The following CENPK variants were observed in gnomAD, a reference collection of about 807,000 sequenced individuals.
CENPK encodes SoxLZ/Sox6-binding protein Solt.
In CENPK, 46 loss-of-function variants were observed where a neutral mutation model predicts 40.9. That is an observed-to-expected ratio of 1.13 (90% CI 0.89 to 1.44). CENPK has a LOEUF of 1.44. Ranked by LOEUF, CENPK falls within the 40% of genes most tolerant of loss-of-function variation. The pLI is 0.00. For missense variants in CENPK, 288 were observed against 303.5 expected (o/e 0.95, Z 0.38); for synonymous variants, 107 against 104.4 (o/e 1.02, Z -0.15).
At chr5:65,541,189 T>C (rs1438415013) in intron 6 of CENPK, among the ~76,000 whole-genome samples, 1 of 152,126 alleles carries the variant, frequency 6.6e-6, no homozygotes, top group Non-Finnish European at 1.5e-5. Flanking sequence ...CTCAGTTCTG[T>C]GAGCTGCTCT....
At chr5:65,520,976 G>A (rs746395062) in intron 10 of CENPK, among the ~76,000 whole-genome samples, 1 of 152,104 alleles carries the variant, frequency 6.6e-6, no homozygotes, top group Non-Finnish European at 1.5e-5. Context: ...ATCAGAGAAA[G>A]TTGGAAAACT....
chr5:65,550,086 T>G (rs1432382416), intron 5 of CENPK, among the ~76,000 whole-genome samples: 1 of 146,014 alleles, frequency 6.8e-6, no homozygotes, highest in African/African-American at 2.5e-5. Context: ...GAGAATCACT[T>G]GAACCCAGGA....
At chr5:65,541,305 G>C (rs533254104) in intron 6 of CENPK, 87 of 436,076 alleles carry the variant, frequency 2.0e-4, no homozygotes, top group African/African-American at 1.6e-3. Flanking sequence ...ATCTGAAACC[G>C]GGGTCAGGCA....
intron 5 of CENPK, among the ~76,000 whole-genome samples, chr5:65,544,072 C>T (rs1748466698): frequency 6.6e-6 from 1 of 152,134 alleles, no homozygotes; most frequent in Non-Finnish European, 1.5e-5. Flanking sequence ...ATCTGCTATT[C>T]TAGAAAGCCT....
chr5:65,531,978 T>A (rs76776386), intron 6 of CENPK, among the ~76,000 whole-genome samples: 5,107 of 152,048 alleles, frequency 0.034, 287 homozygotes, highest in African/African-American at 0.12. Flanking sequence ...GCAATGAAAA[T>A]TGGTTTTTTG....
chr5:65,523,217 T>C (rs1193597040), intron 9 of CENPK, among the ~76,000 whole-genome samples: 2 of 152,194 alleles, frequency 1.3e-5, no homozygotes, highest in Non-Finnish European at 2.9e-5. Context: ...TTCACATCAT[T>C]TGTAAACTTT....
intron 9 of CENPK, 79 bp from the exon 10 acceptor site, chr5:65,521,607 CTT>C: frequency 2.1e-6 from 2 of 972,990 alleles, no homozygotes; most frequent in South Asian, 1.5e-5. Flanking sequence ...TTTTATAAGA[CTT>C]TTATTTCTGA....
chr5:65,509,611 G>A, the CENPK span, among the ~76,000 whole-genome samples: 1 of 152,108 alleles, frequency 6.6e-6, no homozygotes, highest in Non-Finnish European at 1.5e-5. Context: ...TCATATGCAG[G>A]ATTTTGTACG....
At chr5:65,504,932 GTTTA>G in the CENPK span, among the ~76,000 whole-genome samples, 32 of 152,112 alleles carry the variant, frequency 2.1e-4, no homozygotes, top group African/African-American at 7.7e-4. Flanking sequence ...ATGTCAGAAA[GTTTA>G]TTTATTTATT....
chr5:65,542,421 G>A (rs908540431), intron 6 of CENPK, among the ~76,000 whole-genome samples: 2 of 152,074 alleles, frequency 1.3e-5, no homozygotes, highest in Admixed American at 6.6e-5. Flanking sequence ...GGCAGATCAC[G>A]AAGTCAGGAG....
At chr5:65,530,687 T>A (rs796570763) in intron 6 of CENPK, among the ~76,000 whole-genome samples, 11 of 152,270 alleles carry the variant, frequency 7.2e-5, no homozygotes, top group African/African-American at 2.6e-4. Context: ...AAATAACTAA[T>A]AAGCCAATAC....
chr5:65,508,021 A>C, the CENPK span, among the ~76,000 whole-genome samples: 1 of 152,206 alleles, frequency 6.6e-6, no homozygotes, highest in Non-Finnish European at 1.5e-5. Context: ...GTGTCTTTCT[A>C]ATTACATCAT....
intron 6 of CENPK, among the ~76,000 whole-genome samples, chr5:65,541,119 A>T (rs1747896617): frequency 6.6e-6 from 1 of 152,126 alleles, no homozygotes; most frequent in South Asian, 2.1e-4. Flanking sequence ...CACCATGCCC[A>T]GCCATGTATC....
At chr5:65,503,089 G>A in the CENPK span, among the ~76,000 whole-genome samples, 2 of 150,302 alleles carry the variant, frequency 1.3e-5, no homozygotes, top group African/African-American at 2.4e-5. Context: ...GTGAGCCACC[G>A]TGCCTGCCCA....
intron 6 of CENPK, among the ~76,000 whole-genome samples, chr5:65,535,989 T>C (rs896512914): frequency 6.6e-6 from 1 of 152,196 alleles, no homozygotes; most frequent in African/African-American, 2.4e-5. Context: ...TAAGTTACTG[T>C]AGGTAGAAGT....
chr5:65,554,671 A>G, intron 3 of CENPK, 126 bp downstream of exon 3: 1 of 643,080 alleles, frequency 1.6e-6, no homozygotes, highest in South Asian at 2.0e-5. Flanking sequence ...TCTAAAAGCT[A>G]TATAAATATT....
At chr5:65,552,838 T>TA (rs1561689417) in intron 3 of CENPK, among the ~76,000 whole-genome samples, 1 of 148,090 alleles carries the variant, frequency 6.8e-6, no homozygotes, top group Non-Finnish European at 1.5e-5. Flanking sequence ...AAGTGGGAGA[T>TA]AAAAAAATAA....
At chr5:65,523,413 G>A (rs1312135841) in intron 9 of CENPK, among the ~76,000 whole-genome samples, 2 of 152,114 alleles carry the variant, frequency 1.3e-5, no homozygotes, top group African/African-American at 4.8e-5. Context: ...ATACCAGTCA[G>A]AGATTACCAT....
At chr5:65,497,815 A>T in the CENPK span, among the ~76,000 whole-genome samples, 1 of 152,214 alleles carries the variant, frequency 6.6e-6, no homozygotes, top group African/African-American at 2.4e-5. Flanking sequence ...GGCTGCAATG[A>T]GCTATGATTG....
Sources: allele counts gnomAD v4.1 joint callset (sites outside exome capture counted in the v4.1 genomes callset), GRCh38; gene constraint gnomAD v4.1.1; transcripts MANE v1.5; gene names NCBI Gene and HGNC (gene_info 2026-07-23, HGNC 2026-07-21).